Variants in UBAC2 observed in about 807,000 individuals in gnomAD.
UBAC2 encodes the protein ubiquitin-associated domain-containing protein 2.
A neutral mutation model predicts 44.0 loss-of-function variants in UBAC2; 26 were observed. The ratio of observed to expected loss-of-function variants is 0.59; its 90% CI spans 0.43 to 0.82. UBAC2 has a LOEUF of 0.82. UBAC2 is among the 40% of genes least tolerant of loss of function. UBAC2 has a pLI of 0.00. For synonymous variants in UBAC2, 155 were observed against 154.3 expected, an observed-to-expected ratio of 1.00 and a Z score of -0.04; for missense variants, 329 against 419.4, an observed-to-expected ratio of 0.78 and a Z score of 1.88.
chr13:99,216,336 C>T (rs2042995354), intron 1 of UBAC2, among the ~76,000 whole-genome samples: 1 of 152,166 alleles, frequency 6.6e-6, no homozygotes, highest in Non-Finnish European at 1.5e-5. Context: ...AACTCCTGAA[C>T]TCAGGTGATC....
intron 7 of UBAC2, among the ~76,000 whole-genome samples, chr13:99,345,531 T>A (rs567104309): frequency 6.6e-6 from 1 of 152,084 alleles, no homozygotes; most frequent in Non-Finnish European, 1.5e-5. Context: ...CTCTGCCTAC[T>A]GAGCTTTTCA....
intron 1 of UBAC2, chr13:99,201,346 C>T (rs1444818339): frequency 7.1e-6 from 11 of 1,545,798 alleles, no homozygotes; most frequent in African/African-American, 2.7e-5. Flanking sequence ...ACCGAACTAA[C>T]TCCCCCCGCC....
At chr13:99,206,422 G>A (rs755119891) in intron 1 of UBAC2, among the ~76,000 whole-genome samples, 25 of 152,224 alleles carry the variant, frequency 1.6e-4, no homozygotes, top group Non-Finnish European at 3.2e-4. Flanking sequence ...TCCAGCGGAT[G>A]GATGTGCCTT....
At chr13:99,266,379 GA>G (rs989769275) in intron 4 of UBAC2, among the ~76,000 whole-genome samples, 4 of 151,936 alleles carry the variant, frequency 2.6e-5, no homozygotes, top group South Asian at 2.1e-4. Flanking sequence ...AAAAATCATG[GA>G]AAAAACTCAT....
intron 6 of UBAC2, 48 bp downstream of exon 6, chr13:99,318,117 A>G (rs1015345027): frequency 1.3e-6 from 2 of 1,512,478 alleles, no homozygotes; most frequent in Admixed American, 1.7e-5. Context: ...TCTCCTGTAA[A>G]AACATTAGGA....
chr13:99,383,766 G>A (rs1378148197), intron 8 of UBAC2, among the ~76,000 whole-genome samples: 4 of 152,250 alleles, frequency 2.6e-5, no homozygotes, highest in Admixed American at 2.6e-4. Flanking sequence ...AAAAGCCCTG[G>A]CTGGACTCCA....
chr13:99,346,879 G>T (rs564605561), intron 7 of UBAC2, among the ~76,000 whole-genome samples: 2 of 151,820 alleles, frequency 1.3e-5, no homozygotes, highest in African/African-American at 2.4e-5. Context: ...AATAATGCCT[G>T]GCAGATGTTA....
At chr13:99,201,333 G>A (rs781714059) in intron 1 of UBAC2, 42 of 1,523,412 alleles carry the variant, frequency 2.8e-5, no homozygotes, top group Non-Finnish European at 3.7e-5. Context: ...TTAGGCTTGG[G>A]GGACCGAACT....
chr13:99,255,086 T>C lies in UBAC2; in HGVS notation c.389+10462T>C, dbSNP rs1288153791. On this transcript the variant is annotated intron_variant, in intron 4 of 8. Transcript: ENST00000403766. ...GTAAAGGCTCCCCAGGGATTGTAAC[T>C]GTTCTCCCCCGTTCCCAGCATCAGG... 3 of 1,614,104 alleles carry C rather than the reference T, an allele frequency of 1.9e-6. No homozygotes were observed. The Admixed American group carries it at 5.0e-5, about 27-fold the overall frequency.
At chr13:99,230,502 T>G (rs1380167476) in intron 1 of UBAC2, among the ~76,000 whole-genome samples, 5 of 152,036 alleles carry the variant, frequency 3.3e-5, no homozygotes, top group African/African-American at 9.7e-5. Flanking sequence ...AAAATAAATT[T>G]ATTATCCTAC....
intron 6 of UBAC2, among the ~76,000 whole-genome samples, chr13:99,329,781 G>C (rs1309014126): frequency 6.6e-6 from 1 of 152,188 alleles, no homozygotes; most frequent in Non-Finnish European, 1.5e-5. Context: ...CAGATAGGCT[G>C]ACACCTTGAC....
intron 4 of UBAC2, among the ~76,000 whole-genome samples, chr13:99,271,338 GA>G (rs2043813501): frequency 6.6e-6 from 1 of 152,152 alleles, no homozygotes; most frequent in South Asian, 2.1e-4. Flanking sequence ...AGATATTGGG[GA>G]AAGTATTCCA....
At chr13:99,250,984 C>G (rs927267695) in intron 4 of UBAC2, among the ~76,000 whole-genome samples, 2 of 152,054 alleles carry the variant, frequency 1.3e-5, no homozygotes, top group African/African-American at 4.8e-5. Flanking sequence ...CTCCTGACCT[C>G]GTGATCAGCC....
chr13:99,227,173 G>A (rs528457518), intron 1 of UBAC2, among the ~76,000 whole-genome samples: 20 of 151,610 alleles, frequency 1.3e-4, no homozygotes, highest in African/African-American at 4.1e-4. Flanking sequence ...ACTCCAGCCC[G>A]GACAACAAGA....
At chr13:99,357,850 C>T (rs1231446438) in intron 7 of UBAC2, among the ~76,000 whole-genome samples, 3 of 152,194 alleles carry the variant, frequency 2.0e-5, no homozygotes, top group South Asian at 2.1e-4. Context: ...AAACCCCATA[C>T]GCCTTAACTC....
chr13:99,274,710 CCTTTT>C (rs1487854671), intron 4 of UBAC2, among the ~76,000 whole-genome samples: 6 of 151,190 alleles, frequency 4.0e-5, no homozygotes, highest in South Asian at 2.1e-4. Flanking sequence ...TATCCTTTTT[CCTTTT>C]CTTTTCTTTT....
At chr13:99,384,246 G>T (rs1303661248) in intron 8 of UBAC2, among the ~76,000 whole-genome samples, 1 of 152,172 alleles carries the variant, frequency 6.6e-6, no homozygotes, top group African/African-American at 2.4e-5. Flanking sequence ...TCTTTAATGC[G>T]CAAGTGGCTA....
At chr13:99,244,122 G>A (rs1188064026) in intron 3 of UBAC2, among the ~76,000 whole-genome samples, 171 bp downstream of exon 3, 1 of 152,092 alleles carries the variant, frequency 6.6e-6, no homozygotes, top group Non-Finnish European at 1.5e-5. Flanking sequence ...ATTTTAAAAT[G>A]TAAGACATTA....
chr13:99,255,321 C>T, intron 4 of UBAC2: 1 of 1,614,096 alleles, frequency 6.2e-7, no homozygotes, highest in Non-Finnish European at 8.5e-7. Flanking sequence ...TCAGCACGTT[C>T]ACAGCTTTTA....
Sources: gnomAD v4.1 joint callset for allele counts (sites outside exome capture counted in the v4.1 genomes callset) on GRCh38, gnomAD v4.1.1 for gene constraint, MANE v1.5 for transcripts, NCBI Gene and HGNC (gene_info 2026-07-23, HGNC 2026-07-21) for gene names.